Variants in ABL2 observed in about 807,000 individuals in gnomAD.
ABL2 encodes the protein tyrosine-protein kinase ABL2.
Under a neutral mutation model 107.7 loss-of-function variants are expected in ABL2, and 49 were observed. That is an observed-to-expected ratio of 0.45 (90% CI 0.36 to 0.58). The LOEUF is 0.58. Among genes scored for constraint, ABL2 ranks in the 20% least tolerant of loss-of-function variants. The pLI is 0.00. For synonymous variants in ABL2, 549 were observed against 548.6 expected, an observed-to-expected ratio of 1.00 and a Z score of -0.01; for missense variants, 1,245 against 1,457.0, an observed-to-expected ratio of 0.85 and a Z score of 2.37.
Position 179,228,333 on chromosome 1 carries a change from C to T in ABL2, c.157+908G>A, listed in dbSNP as rs564274038. 4.9e-4 allele frequency among the ~76,000 whole-genome samples: 75 copies of T among 151,576 alleles called. 1 individual carries two copies. The highest frequency in any genetic ancestry group is 1.8e-3 in the African/African-American group (75 of 41,316). ...TTGCACTCCATCATGGGGACCAAAG[C>T]GAGACTCTGTCTCAAAAAAAACAAA... On this transcript the variant is annotated intron_variant, in intron 1 of 11. Coordinates refer to ENST00000502732, the MANE Select transcript of ABL2 (RefSeq NM_007314.4).
intron 1 of ABL2, among the ~76,000 whole-genome samples, chr1:179,191,954 AT>A (rs1661044062): frequency 6.6e-6 from 1 of 152,226 alleles, no homozygotes; most frequent in African/African-American, 2.4e-5. Flanking sequence ...AGCATTACAA[AT>A]GGTTTTTCCT....
chr1:179,109,691 G>A (rs1427350296), intron 11 of ABL2, among the ~76,000 whole-genome samples: 1 of 152,082 alleles, frequency 6.6e-6, no homozygotes, highest in African/African-American at 2.4e-5. Context: ...CACTTTGGGG[G>A]GCTGAGGCAG....
At chr1:179,182,465 C>T (rs539058446) in intron 1 of ABL2, among the ~76,000 whole-genome samples, 2 of 151,282 alleles carry the variant, frequency 1.3e-5, no homozygotes, top group African/African-American at 4.9e-5. Context: ...TCCTTTCTTA[C>T]TAAGCCAATG....
chr1:179,133,175 T>A, intron 2 of ABL2, 137 bp downstream of exon 2: 1 of 1,406,610 alleles, frequency 7.1e-7, no homozygotes, highest in Non-Finnish European at 9.7e-7. Flanking sequence ...TTATTTTTAA[T>A]ATAAAAATAG....
At chr1:179,112,746 C>G (rs534703368) in intron 9 of ABL2, among the ~76,000 whole-genome samples, 117 of 150,948 alleles carry the variant, frequency 7.8e-4, no homozygotes, top group Non-Finnish European at 1.6e-3. Context: ...TGCAACACCA[C>G]GCCCAGCTAA....
chr1:179,159,189 C>T (rs1461733088), intron 1 of ABL2, among the ~76,000 whole-genome samples: 1 of 152,208 alleles, frequency 6.6e-6, no homozygotes, highest in Non-Finnish European at 1.5e-5. Flanking sequence ...CTAAATTCAA[C>T]TTAATGTGAA....
At chr1:179,203,161 T>C (rs1002471811) in intron 1 of ABL2, among the ~76,000 whole-genome samples, 5 of 152,228 alleles carry the variant, frequency 3.3e-5, no homozygotes, top group Non-Finnish European at 7.3e-5. Flanking sequence ...TTTTTTTCAT[T>C]TCCCATCAGA....
In ABL2 at chr1:179,108,486, G is replaced by A. The variant is rs1169549460; in HGVS notation, c.2781C>T (p.His927=). The change falls in exon 12 of 12, where the codon CAC becomes CAT. Residue 927 remains histidine (H), a synonymous_variant. Coordinates refer to ENST00000502732, the MANE Select transcript of ABL2 (RefSeq NM_007314.4). ...AGATAAGGACTGGCACTTTGTGGTT[G>A]TGAGTGGTTGGGAGGACGGGGGCAG... is the stretch of plus-strand genomic sequence containing the variant. ...AKAAPVLPTT[H]NHKVPVLISP... The A allele has an allele frequency of 5.0e-6, 8 of 1,614,106 alleles. No homozygotes were observed. Among genetic ancestry groups the A allele is most frequent in the Non-Finnish European group, 3.4e-6 (4 of 1,180,050 alleles).
Position 179,134,423 on chromosome 1 carries a change from A to ATGGAGGCTGCG in ABL2, c.158-1060_158-1050dup, listed in dbSNP as rs560947147. Among the ~76,000 whole-genome samples, 606 of 152,182 alleles carry ATGGAGGCTGCG rather than the reference A, an allele frequency of 4.0e-3. 2 individuals are homozygous for ATGGAGGCTGCG. Among genetic ancestry groups the ATGGAGGCTGCG allele is most frequent in the African/African-American group, 0.013 (550 of 41,518 alleles). On this transcript the variant is annotated intron_variant, in intron 1 of 11. Transcript: ENST00000502732. ...ATTGGGCGAGGAGATGGACTCGGCC[A>ATGGAGGCTGCG]TGGAGGCTGCGTGGAGGCTGCGTGG... is the stretch of plus-strand genomic sequence containing the variant.
chr1:179,204,502 T>C (rs972972289), intron 1 of ABL2, among the ~76,000 whole-genome samples: 6 of 151,634 alleles, frequency 4.0e-5, no homozygotes, highest in Admixed American at 1.3e-4. Context: ...TCCTAGCACT[T>C]TGGGAGGCCG....
chr1:179,148,279 G>C (rs189288617), intron 1 of ABL2, among the ~76,000 whole-genome samples: 1 of 151,942 alleles, frequency 6.6e-6, no homozygotes, highest in African/African-American at 2.4e-5. Context: ...AGCTCAAAGC[G>C]ATCTGCCCAC....
intron 1 of ABL2, among the ~76,000 whole-genome samples, chr1:179,175,378 T>G (rs969979480): frequency 6.6e-6 from 1 of 152,204 alleles, no homozygotes; most frequent in Non-Finnish European, 1.5e-5. Context: ...CCCTTTTCCC[T>G]GGTCCCCTTG....
At chr1:179,168,839 T>C (rs1045211168) in intron 1 of ABL2, among the ~76,000 whole-genome samples, 1 of 152,248 alleles carries the variant, frequency 6.6e-6, no homozygotes, top group Non-Finnish European at 1.5e-5. Context: ...CTAGCATGAC[T>C]TCGTAGTCCA....
intron 1 of ABL2, among the ~76,000 whole-genome samples, chr1:179,213,933 C>A (rs1467379342): frequency 1.3e-5 from 2 of 151,862 alleles, no homozygotes; most frequent in East Asian, 3.9e-4. Flanking sequence ...CAGAGTAAGA[C>A]CCTATCTCTT....
rs1663416789 is a variant in ABL2, at chr1:179,229,313, T to G, written c.85A>C (p.Arg29=). The part of the protein sequence containing the change: ...PRGIRGSSAA[R]PSGRRRDPAG... Reference sequence around the variant, plus strand: ...GGGTCCCGCCTGCGGCCGGAGGGCCTGGCTGCACTGCTGCCCCGGATCCCG... The same window carrying G: ...GGGTCCCGCCTGCGGCCGGAGGGCCGGGCTGCACTGCTGCCCCGGATCCCG... Residue 29 remains arginine (R), a synonymous_variant, in exon 1 of 12, where the codon AGG becomes CGG. Coordinates refer to ENST00000502732, the MANE Select transcript of ABL2 (RefSeq NM_007314.4). The G allele has an allele frequency of 6.3e-7, 1 of 1,584,820 alleles. No homozygotes were observed. The highest frequency in any genetic ancestry group is 8.6e-7 in the Non-Finnish European group (1 of 1,168,058).
chr1:179,137,380 ATATT>A (rs1262977159), intron 1 of ABL2, among the ~76,000 whole-genome samples: 5 of 152,172 alleles, frequency 3.3e-5, no homozygotes, highest in African/African-American at 1.2e-4. Flanking sequence ...GAAAATATCC[ATATT>A]TATTAGCACC....
At chr1:179,195,066 T>C (rs895686360) in intron 1 of ABL2, among the ~76,000 whole-genome samples, 4 of 152,106 alleles carry the variant, frequency 2.6e-5, no homozygotes, top group African/African-American at 7.2e-5. Flanking sequence ...GGCAGGTGGA[T>C]TACCTGAGGT....
At chr1:179,175,698 T>C (rs1030928258) in intron 1 of ABL2, among the ~76,000 whole-genome samples, 9 of 152,136 alleles carry the variant, frequency 5.9e-5, no homozygotes, top group Non-Finnish European at 8.8e-5. Flanking sequence ...TTTACTACTG[T>C]CTGGCATGTC....
intron 6 of ABL2, among the ~76,000 whole-genome samples, chr1:179,119,517 A>C (rs1654975810): frequency 6.6e-6 from 1 of 151,110 alleles, no homozygotes. Flanking sequence ...TATTTAAAAA[A>C]CAAACAAAAA....
Sources: allele counts gnomAD v4.1 joint callset (sites outside exome capture counted in the v4.1 genomes callset), GRCh38; gene constraint gnomAD v4.1.1; transcripts MANE v1.5; gene names NCBI Gene and HGNC (gene_info 2026-07-23, HGNC 2026-07-21).